BRWD3: variants seen among roughly 807,000 people sequenced by gnomAD.
BRWD3 encodes the protein bromodomain and WD repeat-containing protein 3.
Under a neutral mutation model 149.7 loss-of-function variants are expected in BRWD3, and 10 were observed. That is an observed-to-expected ratio of 0.07 (90% CI 0.04 to 0.11). BRWD3 has a LOEUF of 0.11. Ranked by LOEUF, BRWD3 falls within the 10% of genes least tolerant of loss-of-function variation. The pLI is 1.00. For missense variants in BRWD3, 940 were observed against 1,373.2 expected, an observed-to-expected ratio of 0.68 and a Z score of 4.99; for synonymous variants, 504 against 456.7, an observed-to-expected ratio of 1.10 and a Z score of -1.32.
At chrX:80,783,886 C>A (rs961136246) in intron 6 of BRWD3, among the ~76,000 whole-genome samples, 16 of 111,116 alleles carry the variant, frequency 1.4e-4, no homozygotes, top group Admixed American at 2.9e-4. Flanking sequence ...CAATTAAACT[C>A]ATGGAAATAG....
intron 6 of BRWD3, among the ~76,000 whole-genome samples, chrX:80,777,535 G>A (rs891216461): frequency 2.7e-5 from 3 of 110,373 alleles, no homozygotes; most frequent in African/African-American, 9.9e-5. Context: ...TGGGACTATA[G>A]GCACACAGCA....
At chrX:80,734,385 C>T (rs1569266887) in intron 10 of BRWD3, among the ~76,000 whole-genome samples, 167 bp from the exon 11 acceptor site, 2 of 111,869 alleles carry the variant, frequency 1.8e-5, no homozygotes, top group Non-Finnish European at 3.8e-5. Context: ...AAATGTAAAA[C>T]TGTATCATTC....
chrX:80,798,298 G>C (rs891004846), intron 4 of BRWD3, among the ~76,000 whole-genome samples: 6 of 110,323 alleles, frequency 5.4e-5, no homozygotes, highest in African/African-American at 2.0e-4. Flanking sequence ...GTCTTATAAG[G>C]GTAGTTAACT....
chrX:80,792,140 C>A (rs74704167), intron 5 of BRWD3, among the ~76,000 whole-genome samples, 188 bp from the exon 6 acceptor site: 4 of 112,324 alleles, frequency 3.6e-5, no homozygotes, highest in African/African-American at 1.3e-4. Flanking sequence ...CCACCCAACA[C>A]CTTAACATAT....
intron 27 of BRWD3, among the ~76,000 whole-genome samples, chrX:80,695,292 C>A (rs1166838927): frequency 9.0e-6 from 1 of 111,704 alleles, no homozygotes; most frequent in Non-Finnish European, 1.9e-5. Context: ...CAGGTAGTAT[C>A]TTTACAGCAG....
chrX:80,801,549 C>T lies in BRWD3; in HGVS notation c.180+6990G>A, dbSNP rs758258151. 1.1e-4 allele frequency among the ~76,000 whole-genome samples: 12 copies of T among 109,167 alleles called. No homozygotes were observed. The East Asian group carries it at 1.8e-3, about 16-fold the overall frequency. 94.8% of individuals were successfully genotyped at this position (109,167 alleles called of 115,157 possible). ...ATTTTAAACAGGGTAACTTAAAATA[C>T]GAGAAATTAGGCCAGGTGTGGTGGC... On this transcript the variant is annotated intron_variant, in intron 4 of 40. Coordinates refer to ENST00000373275, the MANE Select transcript of BRWD3 (RefSeq NM_153252.5).
At chrX:80,716,124 G>GT in intron 20 of BRWD3, 33 bp downstream of exon 20, 1 of 1,082,319 alleles carries the variant, frequency 9.2e-7, no homozygotes, top group Non-Finnish European at 1.3e-6. Flanking sequence ...TCTGCAAATA[G>GT]TGTATCCCAA....
chrX:80,693,494 A>G (rs1427282829), intron 27 of BRWD3, among the ~76,000 whole-genome samples: 3 of 112,126 alleles, frequency 2.7e-5, no homozygotes, highest in Non-Finnish European at 3.8e-5. Flanking sequence ...GGAACTTCCT[A>G]GAGACTTGTT....
In BRWD3 at chrX:80,676,613, T is replaced by C; in HGVS notation, c.5405A>G (p.Tyr1802Cys). ...TTATTCTAAATTTATTAACTGTTAA[T>C]AATTCCATCCCATGAGATGGCTAAC... is the stretch of plus-strand genomic sequence containing the variant. The part of the protein sequence containing the change: ...ARVSHLMGWN[Y>C] Residue 1802 changes from tyrosine to cysteine, a missense_variant, in exon 41 of 41, where the codon TAT becomes TGT. Coordinates refer to ENST00000373275, the MANE Select transcript of BRWD3 (RefSeq NM_153252.5). 2 of 1,210,623 alleles carry C rather than the reference T, an allele frequency of 1.7e-6. No individual in the cohort carries two copies. The highest frequency in any genetic ancestry group is 2.2e-6 in the Non-Finnish European group (2 of 894,841).
At chrX:80,702,480 A>C (rs1202417385) in intron 24 of BRWD3, among the ~76,000 whole-genome samples, 1 of 112,489 alleles carries the variant, frequency 8.9e-6, no homozygotes, top group Admixed American at 9.4e-5. Flanking sequence ...CAACAACTAC[A>C]AGAAATAGTG....
chrX:80,689,186 T>C (rs998314951), intron 33 of BRWD3, among the ~76,000 whole-genome samples: 3 of 111,461 alleles, frequency 2.7e-5, no homozygotes, highest in Non-Finnish European at 5.7e-5. Context: ...ATTTTGGTTT[T>C]TGTTTCTATC....
At chrX:80,694,819 G>C (rs2072660433) in intron 27 of BRWD3, among the ~76,000 whole-genome samples, 1 of 111,287 alleles carries the variant, frequency 9.0e-6, no homozygotes, top group African/African-American at 3.3e-5. Flanking sequence ...CAGGTTCATA[G>C]GCAGAAGTGA....
At chrX:80,691,229 G>A (rs2072607177) in intron 30 of BRWD3, 56 bp from the exon 31 acceptor site, 3 of 1,130,434 alleles carry the variant, frequency 2.7e-6, no homozygotes, top group Non-Finnish European at 3.6e-6. Flanking sequence ...ACATCTCATG[G>A]TAACAAACAT....
intron 8 of BRWD3, among the ~76,000 whole-genome samples, chrX:80,739,974 T>A (rs184204534): frequency 7.1e-5 from 8 of 112,097 alleles, no homozygotes; most frequent in African/African-American, 2.6e-4. Context: ...TTTTTTTCAA[T>A]GGCATATGAC....
intron 6 of BRWD3, among the ~76,000 whole-genome samples, chrX:80,749,953 A>G (rs1470201378): frequency 8.9e-6 from 1 of 111,736 alleles, no homozygotes; most frequent in Non-Finnish European, 1.9e-5. Context: ...TTAAAATAAA[A>G]CAATATTCAA....
chrX:80,809,086 T>C (rs1161207447), intron 2 of BRWD3, 44 bp from the exon 3 acceptor site: 2 of 1,171,799 alleles, frequency 1.7e-6, no homozygotes, highest in Non-Finnish European at 2.3e-6. Flanking sequence ...GCTCGGGCCA[T>C]CAACCCATTC....
chrX:80,753,530 CA>C (rs963097481), intron 6 of BRWD3, among the ~76,000 whole-genome samples: 3 of 111,391 alleles, frequency 2.7e-5, no homozygotes, highest in Non-Finnish European at 5.6e-5. Context: ...CTCAACCTCC[CA>C]AAGTGCTGGG....
chrX:80,804,858 AAAAT>A (rs1231637348), intron 4 of BRWD3, among the ~76,000 whole-genome samples: 2 of 112,176 alleles, frequency 1.8e-5, no homozygotes, highest in African/African-American at 6.5e-5. Flanking sequence ...TAGGAAGCAG[AAAAT>A]AAAGTGCCCA....
chrX:80,713,217 A>G (rs2073017322), intron 20 of BRWD3, among the ~76,000 whole-genome samples: 1 of 111,314 alleles, frequency 9.0e-6, no homozygotes, highest in African/African-American at 3.3e-5. Context: ...AGAACGGGCC[A>G]TGATGACAAT....
Sources: gnomAD v4.1 joint callset for allele counts (sites outside exome capture counted in the v4.1 genomes callset) on GRCh38, gnomAD v4.1.1 for gene constraint, MANE v1.5 for transcripts, NCBI Gene and HGNC (gene_info 2026-07-23, HGNC 2026-07-21) for gene names.